The following ATAD1 variants were observed in gnomAD, a reference collection of about 807,000 sequenced individuals.
ATAD1 encodes the protein outer mitochondrial transmembrane helix translocase.
A neutral mutation model predicts 42.7 loss-of-function variants in ATAD1; 18 were observed. That is an observed-to-expected ratio of 0.42 (90% CI 0.29 to 0.63). The LOEUF is 0.63. Among genes scored for constraint, ATAD1 ranks in the 20% least tolerant of loss-of-function variants. The probability of loss-of-function intolerance (pLI) is 0.19; values close to 1 mark genes in which losing one functional copy is unlikely to be tolerated. For missense variants in ATAD1, 294 were observed against 440.4 expected, an observed-to-expected ratio of 0.67 and a Z score of 2.98; for synonymous variants, 132 against 143.1, an observed-to-expected ratio of 0.92 and a Z score of 0.55.
upstream of ATAD1, among the ~76,000 whole-genome samples, chr10:87,820,327 G>A (rs1857608795): frequency 6.6e-6 from 1 of 152,264 alleles, no homozygotes; most frequent in East Asian, 1.9e-4. Context: ...AGAAATTCAA[G>A]ATAGTAATGG....
chr10:87,821,609 GCTCCC>G (rs1295956534), upstream of ATAD1, among the ~76,000 whole-genome samples: 2 of 152,224 alleles, frequency 1.3e-5, no homozygotes, highest in East Asian at 3.9e-4. Flanking sequence ...CAGATTCCTG[GCTCCC>G]AGTCTTCAGA....
intron 1 of ATAD1, among the ~76,000 whole-genome samples, chr10:87,828,833 G>T (rs1488736440): frequency 6.6e-6 from 1 of 152,206 alleles, no homozygotes; most frequent in Non-Finnish European, 1.5e-5. Context: ...GGACTTAAGA[G>T]TTACTCTGTA....
chr10:87,812,445 T>TA (rs1455577899), intron 2 of ATAD1, among the ~76,000 whole-genome samples: 3 of 152,094 alleles, frequency 2.0e-5, no homozygotes, highest in African/African-American at 7.2e-5. Context: ...GTATTTTTAT[T>TA]AGAGATGGGG....
chr10:87,824,124 C>A (rs926948639), intron 1 of ATAD1, among the ~76,000 whole-genome samples: 5 of 151,684 alleles, frequency 3.3e-5, no homozygotes, highest in Non-Finnish European at 7.4e-5. Flanking sequence ...AAAGAGGATG[C>A]CTAGAACATA....
intron 2 of ATAD1, among the ~76,000 whole-genome samples, chr10:87,809,708 G>C (rs1029687083): frequency 6.6e-6 from 1 of 151,816 alleles, no homozygotes; most frequent in African/African-American, 2.4e-5. Context: ...CCAGGCTGGA[G>C]TGCAATGGCG....
chr10:87,827,775 G>A (rs926500819), intron 1 of ATAD1, among the ~76,000 whole-genome samples: 1 of 152,006 alleles, frequency 6.6e-6, no homozygotes, highest in African/African-American at 2.4e-5. Flanking sequence ...ACCCTACAGT[G>A]GCCTTTAAAT....
At chr10:87,817,389 A>T (rs1290666527) in intron 1 of ATAD1, among the ~76,000 whole-genome samples, 3 of 152,250 alleles carry the variant, frequency 2.0e-5, no homozygotes, top group Non-Finnish European at 2.9e-5. Flanking sequence ...TATGCAACTA[A>T]GAAACATCCT....
chr10:87,815,866 C>G (rs1157879190), intron 1 of ATAD1, among the ~76,000 whole-genome samples: 1 of 152,106 alleles, frequency 6.6e-6, no homozygotes, highest in Admixed American at 6.5e-5. Context: ...TCTTTCACCT[C>G]TTTTCAAAGG....
At chr10:87,840,607 G>A (rs148924242) in intron 1 of ATAD1, among the ~76,000 whole-genome samples, 165 of 152,320 alleles carry the variant, frequency 1.1e-3, no homozygotes, top group African/African-American at 3.9e-3. Flanking sequence ...TGCAACTGAG[G>A]AAACAGGTAT....
chr10:87,785,630 A>G (rs973372217), intron 4 of ATAD1, among the ~76,000 whole-genome samples: 1 of 150,740 alleles, frequency 6.6e-6, no homozygotes, highest in Non-Finnish European at 1.5e-5. Context: ...ACTGGAAGGG[A>G]TCTGGAGGAG....
At chr10:87,818,335 C>G, upstream of ATAD1, 3 of 889,920 alleles carry the variant, frequency 3.4e-6, no homozygotes, top group Non-Finnish European at 4.0e-6. Flanking sequence ...GGCTTAGAAA[C>G]AGTGAGGGAG....
chr10:87,801,407 T>C (rs530001871), intron 2 of ATAD1, among the ~76,000 whole-genome samples: 27 of 152,308 alleles, frequency 1.8e-4, no homozygotes, highest in Admixed American at 1.4e-3. Flanking sequence ...ATTTGGCTTA[T>C]TTAGTAAAAA....
chr10:87,810,217 C>A (rs1857117821), intron 2 of ATAD1, among the ~76,000 whole-genome samples: 1 of 151,674 alleles, frequency 6.6e-6, no homozygotes. Flanking sequence ...TTCTAATGAT[C>A]TCTACTGTAC....
At chr10:87,822,048 G>C (rs569632818), upstream of ATAD1, among the ~76,000 whole-genome samples, 1 of 152,316 alleles carries the variant, frequency 6.6e-6, no homozygotes, top group East Asian at 1.9e-4. Flanking sequence ...ATTCAGGATA[G>C]AACGCCTTTG....
At chr10:87,767,141 C>A (rs1208831845) in intron 8 of ATAD1, among the ~76,000 whole-genome samples, 1 of 152,096 alleles carries the variant, frequency 6.6e-6, no homozygotes, top group Non-Finnish European at 1.5e-5. Flanking sequence ...TGCACAGATA[C>A]AAAAACACAT....
chr10:87,840,924 G>A (rs1013478204), intron 1 of ATAD1, among the ~76,000 whole-genome samples: 3 of 152,084 alleles, frequency 2.0e-5, no homozygotes, highest in Non-Finnish European at 2.9e-5. Flanking sequence ...TTGTATGTTT[G>A]TTTATAATTG....
chr10:87,835,169 G>A (rs1857908315), intron 1 of ATAD1, among the ~76,000 whole-genome samples: 1 of 151,942 alleles, frequency 6.6e-6, no homozygotes, highest in Non-Finnish European at 1.5e-5. Context: ...AATGTGCTGT[G>A]CCATGTACAT....
chr10:87,784,407 C>A, intron 5 of ATAD1, 63 bp downstream of exon 5: 1 of 1,486,548 alleles, frequency 6.7e-7, no homozygotes, highest in Non-Finnish European at 9.3e-7. Context: ...AAAACTAAAT[C>A]TGGTTATCTA....
At chr10:87,819,387 G>A (rs140226351), upstream of ATAD1, 3 of 151,558 alleles carry the variant, frequency 2.0e-5, no homozygotes, top group Non-Finnish European at 4.4e-5. Flanking sequence ...GGGAGATCAC[G>A]GCTGCAGTGA....
Sources: allele counts gnomAD v4.1 joint callset (sites outside exome capture counted in the v4.1 genomes callset), GRCh38; gene constraint gnomAD v4.1.1; transcripts MANE v1.5; gene names NCBI Gene and HGNC (gene_info 2026-07-23, HGNC 2026-07-21).